Variants in HIVEP3 observed in about 807,000 individuals in gnomAD.
The protein encoded by HIVEP3 is HIVEP zinc finger 3.
HIVEP3 carries 49 observed loss-of-function variants against 152.8 expected under a neutral mutation model. The ratio of observed to expected loss-of-function variants is 0.32; its 90% CI spans 0.26 to 0.41. The LOEUF is 0.41. Ranked by LOEUF, HIVEP3 falls within the 10% of genes least tolerant of loss-of-function variation. The pLI is 1.00. For missense variants in HIVEP3, 2,790 were observed against 3,103.3 expected (o/e 0.90, Z 2.40); for synonymous variants, 1,269 against 1,289.0 (o/e 0.98, Z 0.33).
At chr1:41,589,911 T>A (rs1222918269) in intron 3 of HIVEP3, among the ~76,000 whole-genome samples, 1 of 152,208 alleles carries the variant, frequency 6.6e-6, no homozygotes, top group Non-Finnish European at 1.5e-5. Flanking sequence ...ATAAGAAAAC[T>A]TTCCTATTAA....
At chr1:41,685,384 C>T (rs868024981) in intron 2 of HIVEP3, among the ~76,000 whole-genome samples, 6 of 152,328 alleles carry the variant, frequency 3.9e-5, no homozygotes, top group Middle Eastern at 3.4e-3. Flanking sequence ...GAGAGCAAGG[C>T]GGGGAGGCTG....
intron 1 of HIVEP3, among the ~76,000 whole-genome samples, chr1:41,723,739 T>C (rs919117732): frequency 3.0e-4 from 46 of 152,306 alleles, no homozygotes; most frequent in African/African-American, 1.0e-3. Context: ...ACTTTGTCCT[T>C]TACTGCAAAT....
chr1:41,794,350 G>C lies in HIVEP3; in HGVS notation c.-800-93355C>G, dbSNP rs541523032. ...CCACCTGGCCCCACCCTTGACACGT[G>C]GGAATTATTAAAATTCAAGGTGAGT... On this transcript the variant is annotated intron_variant, in intron 1 of 8. Transcript: ENST00000372583. Among the ~76,000 whole-genome samples, 78 of 152,258 alleles carry C rather than the reference G, an allele frequency of 5.1e-4. 1 individual carries two copies. In the South Asian group the frequency reaches 0.015, roughly 30 times the overall value.
chr1:41,708,157 T>C (rs748409448), intron 1 of HIVEP3, among the ~76,000 whole-genome samples: 4 of 152,178 alleles, frequency 2.6e-5, no homozygotes, highest in African/African-American at 9.7e-5. Context: ...AGGGACTACC[T>C]TTGTGGGGAC....
chr1:42,022,908 G>C (rs1217526650), intron 1 of HIVEP3, among the ~76,000 whole-genome samples: 1 of 152,160 alleles, frequency 6.6e-6, no homozygotes, highest in Non-Finnish European at 1.5e-5. Context: ...CACAGTCCCT[G>C]TCCTCACAAA....
At chr1:41,765,499 C>T (rs544164174) in intron 1 of HIVEP3, among the ~76,000 whole-genome samples, 2 of 152,174 alleles carry the variant, frequency 1.3e-5, no homozygotes, top group Non-Finnish European at 2.9e-5. Flanking sequence ...TTGGGCAGGT[C>T]TCCAAGGATC....
chr1:41,744,581 A>G (rs1039177176), intron 1 of HIVEP3, among the ~76,000 whole-genome samples: 1 of 152,180 alleles, frequency 6.6e-6, no homozygotes, highest in Non-Finnish European at 1.5e-5. Flanking sequence ...ACGGAAGCTC[A>G]TGTTCTTGCT....
At chr1:41,690,514 A>G (rs1390006911) in intron 2 of HIVEP3, among the ~76,000 whole-genome samples, 1 of 152,242 alleles carries the variant, frequency 6.6e-6, no homozygotes, top group East Asian at 1.9e-4. Flanking sequence ...CACTGCCTTC[A>G]ACCTAGACCG....
chr1:41,716,778 C>T (rs895843963), intron 1 of HIVEP3, among the ~76,000 whole-genome samples: 3 of 152,124 alleles, frequency 2.0e-5, no homozygotes, highest in Non-Finnish European at 2.9e-5. Flanking sequence ...AGTAACAAGC[C>T]GTGGGGAGCT....
chr1:41,807,817 T>G (rs1570581344), intron 1 of HIVEP3, among the ~76,000 whole-genome samples: 1 of 152,090 alleles, frequency 6.6e-6, no homozygotes, highest in African/African-American at 2.4e-5. Context: ...AGCACATGCA[T>G]GGGAATAGGT....
At chr1:41,884,632 G>A (rs1644315164) in intron 1 of HIVEP3, among the ~76,000 whole-genome samples, 1 of 152,242 alleles carries the variant, frequency 6.6e-6, no homozygotes, top group Admixed American at 6.5e-5. Context: ...GTTAGCATTG[G>A]AAGGGATTTT....
intron 1 of HIVEP3, among the ~76,000 whole-genome samples, chr1:41,977,457 G>T (rs1645266461): frequency 6.6e-6 from 1 of 152,136 alleles, no homozygotes; most frequent in Admixed American, 6.5e-5. Context: ...AGCCTCAGGA[G>T]GTCCCACCTG....
Position 41,582,674 on chromosome 1 carries a change from T to C in HIVEP3, c.2124A>G (p.Glu708=). ...TCCTCCTCTTCCTCAGTGGAGTGAG[T>C]TCCAGGGTGGTTCCCAGTTTGTAAT... The part of the protein sequence containing the change: ...MMHYKLGTTL[E]LTPLRKRRKE... The change falls in exon 4 of 9, where the codon GAA becomes GAG. Residue 708 remains glutamate, a synonymous_variant. Transcript: ENST00000372583. This position sits in a 1 kb window ranked among gnomAD's most constrained non-coding sequence, Gnocchi z 4.7. 2 of 1,614,134 alleles carry C rather than the reference T, an allele frequency of 1.2e-6. No individual in the cohort carries two copies. Among genetic ancestry groups the C allele is most frequent in the Non-Finnish European group, 1.7e-6 (2 of 1,180,000 alleles).
chr1:41,661,581 G>C (rs778939692), intron 2 of HIVEP3, among the ~76,000 whole-genome samples: 29 of 152,356 alleles, frequency 1.9e-4, no homozygotes, highest in South Asian at 6.2e-4. Context: ...CTCCTCGGAG[G>C]ATCCAGAGCA....
At chr1:41,892,444 T>G (rs1450162293) in intron 1 of HIVEP3, among the ~76,000 whole-genome samples, 1 of 152,166 alleles carries the variant, frequency 6.6e-6, no homozygotes, top group Non-Finnish European at 1.5e-5. Flanking sequence ...CCAGACGCTC[T>G]GAACCACAGC....
chr1:41,617,047 A>G (rs1644979429), intron 3 of HIVEP3, among the ~76,000 whole-genome samples: 2 of 152,132 alleles, frequency 1.3e-5, no homozygotes, highest in South Asian at 4.2e-4. Flanking sequence ...CTGTCTTCAG[A>G]CCCTGTGCTC....
At chr1:41,732,356 G>C (rs1230343148) in intron 1 of HIVEP3, among the ~76,000 whole-genome samples, 1 of 152,170 alleles carries the variant, frequency 6.6e-6, no homozygotes, top group Non-Finnish European at 1.5e-5. Context: ...GCTGGGAAAT[G>C]ATGGAGCCAG....
chr1:41,646,191 A>G (rs1296841911), intron 2 of HIVEP3, among the ~76,000 whole-genome samples: 1 of 152,200 alleles, frequency 6.6e-6, no homozygotes, highest in East Asian at 1.9e-4. Flanking sequence ...GTACTTCCCC[A>G]GGAGAGCAGT....
At chr1:41,925,861 C>T (rs1644965453) in intron 1 of HIVEP3, among the ~76,000 whole-genome samples, 1 of 152,188 alleles carries the variant, frequency 6.6e-6, no homozygotes, top group Non-Finnish European at 1.5e-5. Context: ...GCTACCCAGC[C>T]AAAGACTACA....
Sources: allele counts gnomAD v4.1 joint callset (sites outside exome capture counted in the v4.1 genomes callset), GRCh38; gene constraint gnomAD v4.1.1; non-coding constraint Gnocchi (gnomAD v3.1); transcripts MANE v1.5; gene names NCBI Gene and HGNC (gene_info 2026-07-23, HGNC 2026-07-21).